TRAPPC9: variants seen among roughly 807,000 people sequenced by gnomAD.
TRAPPC9 encodes trafficking protein particle complex subunit 9, also known as IKK2 binding protein.
TRAPPC9 carries 83 observed loss-of-function variants against 124.0 expected under a neutral mutation model. That is an observed-to-expected ratio of 0.67 (90% confidence interval 0.56 to 0.80). TRAPPC9 has a LOEUF of 0.80. Ranked by LOEUF, TRAPPC9 falls within the 30% of genes least tolerant of loss-of-function variation. The pLI, the probability that TRAPPC9 is intolerant of heterozygous loss-of-function variation, is 0.00. For synonymous variants in TRAPPC9, 638 were observed against 617.5 expected (o/e 1.03, Z -0.49); for missense variants, 1,302 against 1,508.3 (o/e 0.86, Z 2.27).
intron 17 of TRAPPC9, among the ~76,000 whole-genome samples, chr8:140,084,623 C>A (rs1844068496): frequency 6.6e-6 from 1 of 152,216 alleles, no homozygotes; most frequent in African/African-American, 2.4e-5. Context: ...CCAAGAACCG[C>A]CGAGGACAAG....
chr8:139,780,863 G>T (rs953219185), intron 21 of TRAPPC9, among the ~76,000 whole-genome samples: 2 of 151,674 alleles, frequency 1.3e-5, no homozygotes, highest in South Asian at 4.2e-4. Context: ...GGCCAAAGAG[G>T]TGAACAGACA....
chr8:140,270,295 C>T (rs560395658), intron 15 of TRAPPC9, among the ~76,000 whole-genome samples: 11 of 152,260 alleles, frequency 7.2e-5, no homozygotes, highest in Admixed American at 2.0e-4. Context: ...AAGGCAGAGC[C>T]GTGCCGCACA....
intron 17 of TRAPPC9, among the ~76,000 whole-genome samples, chr8:140,129,638 AG>A (rs1217399739): frequency 1.3e-5 from 2 of 152,150 alleles, no homozygotes; most frequent in Non-Finnish European, 2.9e-5. Context: ...CACCTAAGTC[AG>A]CAATGGAAGG....
chr8:140,014,166 C>T (rs1462915314), intron 18 of TRAPPC9, among the ~76,000 whole-genome samples: 8 of 152,260 alleles, frequency 5.3e-5, no homozygotes, highest in African/African-American at 1.9e-4. Flanking sequence ...TTACACCCCA[C>T]GCCCCGCTCA....
chr8:140,382,658 C>T (rs995149185), intron 7 of TRAPPC9, among the ~76,000 whole-genome samples: 3 of 152,148 alleles, frequency 2.0e-5, no homozygotes, highest in South Asian at 4.2e-4. Flanking sequence ...ACAAAGTGGC[C>T]GGGAAGCTTG....
At chr8:140,398,004 C>T (rs1232448555) in intron 6 of TRAPPC9, among the ~76,000 whole-genome samples, 2 of 152,196 alleles carry the variant, frequency 1.3e-5, no homozygotes, top group African/African-American at 2.4e-5. Flanking sequence ...CCATATTGTT[C>T]TCATGATAGT....
chr8:140,157,876 C>A (rs1288792027), intron 17 of TRAPPC9, among the ~76,000 whole-genome samples: 1 of 152,118 alleles, frequency 6.6e-6, no homozygotes, highest in Non-Finnish European at 1.5e-5. Context: ...TATATAAATG[C>A]ATATTTTTAT....
intron 19 of TRAPPC9, chr8:139,932,332 C>A (rs1194569890): frequency 2.2e-6 from 1 of 457,324 alleles, no homozygotes; most frequent in South Asian, 1.6e-5. Flanking sequence ...GGCCACAGGT[C>A]CTTGGCCACG....
At position 139,997,334 on chromosome 8, in the gene TRAPPC9, C is replaced by T. The variant is rs149455105; in HGVS notation, c.2700-8498G>A. ...TACCCAGGGGAGAAAATACATCCTA[C>T]ACAGGGCAGACAACGCATCCTACAC... On this transcript the variant is annotated intron_variant, in intron 18 of 22. Transcript: ENST00000438773. Among the ~76,000 whole-genome samples the T allele has an allele frequency of 3.8e-3, 566 of 150,914 alleles. 4 individuals are homozygous for T. Among genetic ancestry groups the T allele is most frequent in the Admixed American group, 7.2e-3 (110 of 15,186 alleles).
At chr8:140,321,868 G>A (rs1188017905) in intron 9 of TRAPPC9, among the ~76,000 whole-genome samples, 2 of 152,186 alleles carry the variant, frequency 1.3e-5, no homozygotes, top group Admixed American at 6.5e-5. Flanking sequence ...CAGAAATCCA[G>A]GCAGGGCAGA....
chr8:140,228,009 A>AGC (rs1002660984), intron 16 of TRAPPC9, among the ~76,000 whole-genome samples: 1 of 152,238 alleles, frequency 6.6e-6, no homozygotes, highest in African/African-American at 2.4e-5. Context: ...GTTGTTCTGT[A>AGC]GCACATCACT....
chr8:140,267,338 G>C (rs2064708025), intron 15 of TRAPPC9, among the ~76,000 whole-genome samples: 1 of 152,236 alleles, frequency 6.6e-6, no homozygotes, highest in South Asian at 2.1e-4. Context: ...CACACACCAA[G>C]AACAACTGCT....
chr8:140,349,083 G>A (rs971829731), intron 9 of TRAPPC9, among the ~76,000 whole-genome samples: 11 of 138,532 alleles, frequency 7.9e-5, no homozygotes, highest in Non-Finnish European at 1.4e-4. Context: ...CTGAAGGGGG[G>A]CGTGCGAGGG....
At chr8:140,243,400 T>C (rs1409991717) in intron 16 of TRAPPC9, among the ~76,000 whole-genome samples, 1 of 152,132 alleles carries the variant, frequency 6.6e-6, no homozygotes, top group Non-Finnish European at 1.5e-5. Flanking sequence ...AAAGAGACCA[T>C]GTGCTGAGAG....
chr8:139,983,804 C>A (rs570547767), intron 19 of TRAPPC9, among the ~76,000 whole-genome samples: 33 of 152,170 alleles, frequency 2.2e-4, no homozygotes, highest in Non-Finnish European at 4.6e-4. Flanking sequence ...TTGGCTCCAG[C>A]ATCGTCTCCC....
chr8:140,165,210 G>A (rs754066172), intron 17 of TRAPPC9, among the ~76,000 whole-genome samples: 112 of 152,154 alleles, frequency 7.4e-4, no homozygotes, highest in South Asian at 2.3e-3. Context: ...GCGTGGTGGC[G>A]TGTGTCTGTA....
intron 17 of TRAPPC9, among the ~76,000 whole-genome samples, chr8:140,054,941 T>C (rs1842213653): frequency 1.3e-5 from 2 of 152,206 alleles, no homozygotes; most frequent in South Asian, 4.1e-4. Flanking sequence ...CAGGACCAGA[T>C]GGCTTCACTG....
At chr8:140,208,804 A>T (rs1291751442) in intron 17 of TRAPPC9, among the ~76,000 whole-genome samples, 2 of 152,204 alleles carry the variant, frequency 1.3e-5, no homozygotes, top group East Asian at 3.9e-4. Flanking sequence ...CATGGGTCTG[A>T]GTTGAGCAGG....
intron 9 of TRAPPC9, among the ~76,000 whole-genome samples, chr8:140,352,847 A>G (rs926059317): frequency 5.9e-5 from 9 of 152,176 alleles, no homozygotes; most frequent in Admixed American, 1.3e-4. Flanking sequence ...TCTCTCTCCG[A>G]GTCTTCTTAA....
Sources: allele counts gnomAD v4.1 joint callset (sites outside exome capture counted in the v4.1 genomes callset), GRCh38; gene constraint gnomAD v4.1.1; transcripts MANE v1.5; gene names NCBI Gene and HGNC (gene_info 2026-07-23, HGNC 2026-07-21).